CACNA1E: variants seen among roughly 807,000 people sequenced by gnomAD.
The protein encoded by CACNA1E is calcium voltage-gated channel subunit alpha1 E, also known as voltage-dependent R-type calcium channel subunit alpha-1E.
A neutral mutation model predicts 259.2 loss-of-function variants in CACNA1E; 40 were observed. The ratio of observed to expected loss-of-function variants is 0.15; its 90% CI spans 0.12 to 0.20. The LOEUF (loss-of-function observed/expected upper bound fraction) is 0.20, where lower values mean the gene tolerates loss of function less well. CACNA1E is among the 10% of genes least tolerant of loss of function. The pLI is 1.00. For missense variants in CACNA1E, 1,874 were observed against 3,040.1 expected (o/e 0.62, Z 9.02); for synonymous variants, 1,104 against 1,138.5 (o/e 0.97, Z 0.61).
intron 35 of CACNA1E, among the ~76,000 whole-genome samples, chr1:181,767,815 G>A (rs541517678): frequency 6.6e-6 from 1 of 152,302 alleles, no homozygotes; most frequent in Non-Finnish European, 1.5e-5. Flanking sequence ...TAGAATTCCT[G>A]CTGAAGTTTC....
chr1:181,757,849 T>G, intron 30 of CACNA1E, 98 bp from the exon 31 acceptor site: 5 of 1,347,738 alleles, frequency 3.7e-6, no homozygotes, highest in Non-Finnish European at 5.2e-6. Context: ...CTGCCCTTTT[T>G]CCCATTCACC....
rs766895119 is a variant in CACNA1E at position 181,755,335 on chromosome 1, G to A, written c.3927G>A (p.Gln1309=). 5 of 1,613,934 alleles carry A rather than the reference G, an allele frequency of 3.1e-6. No individual in the cohort carries two copies. The Admixed American group carries it at 5.0e-5, about 16-fold the overall frequency. Residue 1309 remains glutamine, a synonymous_variant, in exon 28 of 48, where the codon CAG becomes CAA. Transcript: ENST00000367573. ...TCATCTTTGCTGTCATCGCAGTTCA[G>A]CTCTTCAAGGGAAAGTTCTTTTATT... The part of the protein sequence containing the change: ...FMFIFAVIAV[Q]LFKGKFFYCT...
chr1:181,721,083 C>A (rs1388913858), intron 15 of CACNA1E, among the ~76,000 whole-genome samples: 1 of 152,202 alleles, frequency 6.6e-6, no homozygotes, highest in East Asian at 1.9e-4. Context: ...TCTCACTGTC[C>A]TTCTCTCACA....
intron 7 of CACNA1E, among the ~76,000 whole-genome samples, chr1:181,696,357 G>A (rs1651704822): frequency 6.6e-6 from 1 of 152,166 alleles, no homozygotes. Flanking sequence ...TTCTGCCAGA[G>A]TAGAAGTCAG....
chr1:181,790,850 C>T (rs1419895953), intron 44 of CACNA1E, among the ~76,000 whole-genome samples: 1 of 152,208 alleles, frequency 6.6e-6, no homozygotes, highest in Non-Finnish European at 1.5e-5. Flanking sequence ...GACCGGAAGT[C>T]ACTTATAAAA....
chr1:181,626,940 T>C (rs1473587564), intron 6 of CACNA1E, among the ~76,000 whole-genome samples: 1 of 152,244 alleles, frequency 6.6e-6, no homozygotes, highest in East Asian at 1.9e-4. Flanking sequence ...ACTTCCATAC[T>C]ACACAAATTT....
intron 1 of CACNA1E, among the ~76,000 whole-genome samples, chr1:181,334,137 T>G (rs558221380): frequency 6.6e-6 from 1 of 152,322 alleles, no homozygotes; most frequent in Non-Finnish European, 1.5e-5. Flanking sequence ...CAGTCAACTC[T>G]CAGTTTTCAT....
intron 2 of CACNA1E, among the ~76,000 whole-genome samples, chr1:181,458,148 C>T (rs549046062): frequency 2.6e-5 from 4 of 152,322 alleles, no homozygotes; most frequent in East Asian, 1.9e-4. Context: ...GTCATGATTT[C>T]TCATGCCCCA....
At chr1:181,680,619 G>A (rs1244207510) in intron 7 of CACNA1E, among the ~76,000 whole-genome samples, 3 of 152,146 alleles carry the variant, frequency 2.0e-5, no homozygotes, top group East Asian at 1.9e-4. Flanking sequence ...AAAACCTCCC[G>A]AGAGTGCTTT....
At chr1:181,619,442 G>T (rs1056608670) in intron 6 of CACNA1E, among the ~76,000 whole-genome samples, 3 of 152,166 alleles carry the variant, frequency 2.0e-5, no homozygotes, top group Admixed American at 2.0e-4. Flanking sequence ...GCCAGGTCAG[G>T]TAGAATCCTG....
chr1:181,343,957 T>C (rs1652388266), intron 1 of CACNA1E, among the ~76,000 whole-genome samples: 1 of 152,164 alleles, frequency 6.6e-6, no homozygotes, highest in African/African-American at 2.4e-5. Context: ...CCCTTGTCCC[T>C]ACCCCCCTCA....
At chr1:181,366,610 A>T (rs145062055) in intron 1 of CACNA1E, among the ~76,000 whole-genome samples, 7 of 152,304 alleles carry the variant, frequency 4.6e-5, no homozygotes, top group African/African-American at 1.4e-4. Context: ...AGGGGAGAGC[A>T]TCCTGGCACT....
Position 181,785,767 on chromosome 1 carries a change from A to G in CACNA1E, c.5734A>G (p.Ile1912Val). 1 of 1,613,136 alleles carries G rather than the reference A, an allele frequency of 6.2e-7. No individual in the cohort carries two copies. The highest frequency in any genetic ancestry group is 8.5e-7 in the Non-Finnish European group (1 of 1,179,696). ...MEPSSLPQEI[I>V]ANAKALPYLQ... ...GCCTTCATCTCTGCCTCAGGAGATC[A>G]TTGCTAATGCCAAAGCCCTGCCTTA... The change falls in exon 43 of 48, where the codon ATT becomes GTT. Residue 1912 changes from isoleucine (I) to valine (V), a missense_variant. Physicochemically the swap from Ile to Val is conservative, Grantham distance 29. Transcript: ENST00000367573.
intron 1 of CACNA1E, among the ~76,000 whole-genome samples, chr1:181,324,083 C>T (rs547919068): frequency 1.3e-5 from 2 of 152,240 alleles, no homozygotes; most frequent in East Asian, 3.8e-4. Context: ...CTTCTACTCA[C>T]CTTTCCCCTC....
At chr1:181,387,794 T>C (rs1243485404) in intron 1 of CACNA1E, among the ~76,000 whole-genome samples, 1 of 152,234 alleles carries the variant, frequency 6.6e-6, no homozygotes, top group African/African-American at 2.4e-5. Context: ...AGTGCTTGCA[T>C]TTTTTGTGTC....
chr1:181,501,182 C>T (rs187256187), intron 1 of CACNA1E, among the ~76,000 whole-genome samples: 3 of 152,306 alleles, frequency 2.0e-5, no homozygotes, highest in African/African-American at 4.8e-5. Flanking sequence ...TGTTGAATGA[C>T]AGCGTTTTGA....
At chr1:181,518,547 A>G (rs146984235) in intron 3 of CACNA1E, among the ~76,000 whole-genome samples, 13 of 152,336 alleles carry the variant, frequency 8.5e-5, no homozygotes, top group Non-Finnish European at 1.8e-4. Flanking sequence ...TGTGAAGCTT[A>G]AAGGTCTCTT....
intron 1 of CACNA1E, among the ~76,000 whole-genome samples, chr1:181,349,071 C>A (rs933118742): frequency 6.7e-6 from 1 of 150,246 alleles, no homozygotes; most frequent in African/African-American, 2.4e-5. Context: ...ACAGCAGCAT[C>A]CTTGGGGAGC....
At chr1:181,374,747 G>A (rs1026482954) in intron 1 of CACNA1E, among the ~76,000 whole-genome samples, 1 of 152,176 alleles carries the variant, frequency 6.6e-6, no homozygotes, top group Non-Finnish European at 1.5e-5. Context: ...TATTACAAGT[G>A]TGAGCAACTG....
Sources: gnomAD v4.1 joint callset for allele counts (sites outside exome capture counted in the v4.1 genomes callset) on GRCh38, gnomAD v4.1.1 for gene constraint, MANE v1.5 for transcripts, NCBI Gene and HGNC (gene_info 2026-07-23, HGNC 2026-07-21) for gene names.